Variants in XIRP2 observed in about 807,000 individuals in gnomAD.
XIRP2 encodes the protein xin actin binding repeat containing 2, also known as xin actin-binding repeat-containing protein 2.
In XIRP2, 236 loss-of-function variants were observed where a neutral mutation model predicts 277.0. The observed-to-expected ratio is 0.85, with a 90% CI of 0.77 to 0.95. XIRP2 has a LOEUF of 0.95. Among genes scored for constraint, XIRP2 ranks in the 40% least tolerant of loss-of-function variants. The pLI, the probability that XIRP2 is intolerant of heterozygous loss-of-function variation, is 0.00. For synonymous variants in XIRP2, 1,490 were observed against 1,416.5 expected (o/e 1.05, Z -1.17); for missense variants, 4,640 against 4,157.5 (o/e 1.12, Z -3.19).
chr2:166,959,724 C>T (rs1187323464), intron 2 of XIRP2, among the ~76,000 whole-genome samples: 1 of 151,700 alleles, frequency 6.6e-6, no homozygotes, highest in Non-Finnish European at 1.5e-5. Flanking sequence ...CTTTAATACC[C>T]TCATTGTACT....
intron 2 of XIRP2, among the ~76,000 whole-genome samples, chr2:166,975,851 A>G (rs1686700349): frequency 7.0e-6 from 1 of 142,066 alleles, no homozygotes; most frequent in Non-Finnish European, 1.5e-5. Flanking sequence ...GAATGGCGTG[A>G]ACCCTGGAGG....
chr2:167,235,182 C>T (rs1359387031), intron 5 of XIRP2, among the ~76,000 whole-genome samples: 1 of 151,758 alleles, frequency 6.6e-6, no homozygotes, highest in Non-Finnish European at 1.5e-5. Context: ...CAGACTTCTT[C>T]TTGCTCTGAT....
Position 167,245,075 on chromosome 2 carries a change from C to G in XIRP2, c.3683C>G (p.Thr1228Ser). Residue 1228 changes from threonine (T) to serine (S), a missense_variant, in exon 9 of 11, where the codon ACT (threonine) becomes AGT (serine). Physicochemically the swap from Thr to Ser is moderately conservative, Grantham distance 58. Coordinates refer to ENST00000409195, the MANE Select transcript of XIRP2 (RefSeq NM_152381.6). ...EVLKKIKTLK[T>S]EDIQKGNVLN... ...TTGAAAAAGATCAAAACCTTAAAAA[C>G]TGAAGATATTCAGAAAGGCAATGTT... The G allele has an allele frequency of 6.2e-7, 1 of 1,610,346 alleles. No individual in the cohort carries two copies. Among genetic ancestry groups the G allele is most frequent in the Non-Finnish European group, 8.5e-7 (1 of 1,178,944 alleles).
At chr2:166,956,975 G>A (rs1310402405) in intron 2 of XIRP2, among the ~76,000 whole-genome samples, 5 of 151,730 alleles carry the variant, frequency 3.3e-5, no homozygotes, top group Non-Finnish European at 7.4e-5. Flanking sequence ...CATACATACT[G>A]CATTAATTAC....
At chr2:166,960,689 G>A (rs554322982) in intron 2 of XIRP2, among the ~76,000 whole-genome samples, 2 of 151,888 alleles carry the variant, frequency 1.3e-5, no homozygotes, top group South Asian at 4.1e-4. Context: ...CTATAAGCCA[G>A]AAAATTTGGA....
chr2:167,225,950 A>T lies in XIRP2; in HGVS notation c.858+7650A>T, dbSNP rs541628893. On this transcript the variant is annotated intron_variant, in intron 5 of 10. Coordinates refer to ENST00000409195, the MANE Select transcript of XIRP2 (RefSeq NM_152381.6). The stretch of plus-strand genomic sequence containing the variant: ...GGAATTGGAAGACCAAGAGTTTGCT[A>T]AATAGAGCAAAATAGCCTCAACCAT... Among the ~76,000 whole-genome samples the T allele has an allele frequency of 2.0e-5, 3 of 152,326 alleles. No homozygotes were observed. In the South Asian group the frequency reaches 6.2e-4, roughly 32 times the overall value.
chr2:166,933,359 A>C (rs1255318213), intron 2 of XIRP2, among the ~76,000 whole-genome samples: 1 of 152,096 alleles, frequency 6.6e-6, no homozygotes, highest in East Asian at 1.9e-4. Context: ...CGTGTTAGCC[A>C]GGATGATCTC....
In XIRP2 at chr2:167,245,606, A is replaced by G; in HGVS notation, c.4214A>G (p.Asn1405Ser). The change falls in exon 9 of 11, where the codon AAT becomes AGT. Residue 1405 changes from asparagine (N) to serine (S), a missense_variant. By Grantham distance (46) the Asn-to-Ser change is conservative. Coordinates refer to ENST00000409195, the MANE Select transcript of XIRP2 (RefSeq NM_152381.6). ...GATCAGATTTCTGAAGAATCACATA[A>G]TATTATGCCCAGTATTGACCATATA... is the stretch of plus-strand genomic sequence containing the variant. ...PLDQISEESH[N>S]IMPSIDHIQG... is the part of the protein sequence containing the mutation. 2 of 1,613,714 alleles carry G rather than the reference A, an allele frequency of 1.2e-6. No homozygotes were observed. Among genetic ancestry groups the G allele is most frequent in the South Asian group, 1.1e-5 (1 of 91,072 alleles).
At chr2:167,187,359 C>T (rs534047774) in intron 3 of XIRP2, 2 of 985,360 alleles carry the variant, frequency 2.0e-6, no homozygotes, top group South Asian at 4.7e-5. Flanking sequence ...TCAGCCGTCC[C>T]ATCTACTTGC....
At chr2:167,174,707 G>A (rs1039880589) in intron 3 of XIRP2, among the ~76,000 whole-genome samples, 5 of 151,584 alleles carry the variant, frequency 3.3e-5, no homozygotes, top group Non-Finnish European at 7.4e-5. Flanking sequence ...TGTGATGTTA[G>A]GGTGTCAATT....
chr2:166,925,744 G>A (rs942325505), intron 2 of XIRP2, among the ~76,000 whole-genome samples: 2 of 151,420 alleles, frequency 1.3e-5, no homozygotes, highest in Non-Finnish European at 2.9e-5. Flanking sequence ...AGGGGCAAGT[G>A]TGCAATGAAT....
At chr2:167,164,433 G>A (rs1380316571) in intron 3 of XIRP2, among the ~76,000 whole-genome samples, 4 of 120,316 alleles carry the variant, frequency 3.3e-5, no homozygotes, top group Non-Finnish European at 6.4e-5. Context: ...GCGAAAGAGC[G>A]AGACTCCGTC....
At chr2:166,987,876 T>C (rs891550720) in intron 2 of XIRP2, among the ~76,000 whole-genome samples, 6 of 152,194 alleles carry the variant, frequency 3.9e-5, no homozygotes, top group Non-Finnish European at 7.3e-5. Context: ...CCATGCATGA[T>C]AGATATTAAC....
chr2:166,983,172 T>C (rs1686918344), intron 2 of XIRP2, among the ~76,000 whole-genome samples: 2 of 152,188 alleles, frequency 1.3e-5, no homozygotes, highest in Non-Finnish European at 2.9e-5. Context: ...TTTTTTCATC[T>C]GTATTGTATA....
chr2:167,244,079 T>C lies in XIRP2; in HGVS notation c.2687T>C (p.Leu896Pro). The change falls in exon 9 of 11, where the codon CTT becomes CCT. Residue 896 changes from leucine to proline, a missense_variant. Leu to Pro is a moderately conservative substitution (Grantham distance 98). Coordinates refer to ENST00000409195, the MANE Select transcript of XIRP2 (RefSeq NM_152381.6). ...AAAGACAGTCCTGATATAGGAAAGC[T>C]TCAAAAAATCACTGCCTCTGAAGAA... ...ALKDSPDIGK[L>P]QKITASEEEK... 1 of 1,613,920 alleles carries C rather than the reference T, an allele frequency of 6.2e-7. No homozygotes were observed. Among genetic ancestry groups the C allele is most frequent in the Non-Finnish European group, 8.5e-7 (1 of 1,179,926 alleles).
Position 167,240,720 on chromosome 2 carries a change from A to G in XIRP2, c.1026A>G (p.Gln342=), listed in dbSNP as rs369972874. 72 of 1,613,728 alleles carry G rather than the reference A, an allele frequency of 4.5e-5. No homozygotes were observed. Among genetic ancestry groups the G allele is most frequent in the Non-Finnish European group, 5.7e-5 (67 of 1,179,814 alleles). Residue 342 remains glutamine, a synonymous_variant, in exon 7 of 11, where the codon CAA becomes CAG. Transcript: ENST00000409195. ...EEVNQASQFH[Q]YVQETVIDTP... is the part of the protein sequence containing the mutation. ...TAAACCAAGCATCTCAGTTTCATCA[A>G]TATGTTCAAGAAACTGGTAAGAGTC... is the stretch of plus-strand genomic sequence containing the variant.
intron 2 of XIRP2, among the ~76,000 whole-genome samples, chr2:167,040,640 T>C (rs1435559943): frequency 6.6e-6 from 1 of 152,146 alleles, no homozygotes; most frequent in Non-Finnish European, 1.5e-5. Context: ...CATGCTTCTC[T>C]AGGGGTTTTT....
At chr2:167,000,963 C>T (rs1294525245) in intron 2 of XIRP2, among the ~76,000 whole-genome samples, 1 of 152,088 alleles carries the variant, frequency 6.6e-6, no homozygotes, top group Non-Finnish European at 1.5e-5. Context: ...AGTAGGATAG[C>T]TCGAGACCAG....
Position 167,257,941 on chromosome 2 carries a change from T to G in XIRP2, c.*124T>G. 1.2e-6 allele frequency: 2 copies of G among 1,612,834 alleles called. No individual in the cohort carries two copies. Among genetic ancestry groups the G allele is most frequent in the Non-Finnish European group, 1.7e-6 (2 of 1,179,334 alleles). Reference sequence around the variant, plus strand: ...TTTTCAAATCCAAAGGAAATTATGATGAAGGTTTTGGACATAAGCAGCATA... The same window carrying G: ...TTTTCAAATCCAAAGGAAATTATGAGGAAGGTTTTGGACATAAGCAGCATA... On this transcript the variant is annotated 3_prime_UTR_variant, in exon 11 of 11. Coordinates refer to ENST00000409195, the MANE Select transcript of XIRP2 (RefSeq NM_152381.6).
Sources: gnomAD v4.1 joint callset for allele counts (sites outside exome capture counted in the v4.1 genomes callset) on GRCh38, gnomAD v4.1.1 for gene constraint, MANE v1.5 for transcripts, NCBI Gene and HGNC (gene_info 2026-07-23, HGNC 2026-07-21) for gene names.